SLC24A2: variants seen among roughly 807,000 people sequenced by gnomAD.
SLC24A2 encodes sodium/potassium/calcium exchanger 2.
SLC24A2 carries 36 observed loss-of-function variants against 62.0 expected under a neutral mutation model. That is an observed-to-expected ratio of 0.58 (90% CI 0.44 to 0.77). SLC24A2 has a LOEUF of 0.77. Among genes scored for constraint, SLC24A2 ranks in the 30% least tolerant of loss-of-function variants. The pLI is 0.00. For synonymous variants in SLC24A2, 358 were observed against 294.0 expected, an observed-to-expected ratio of 1.22 and a Z score of -2.23; for missense variants, 846 against 817.9, an observed-to-expected ratio of 1.03 and a Z score of -0.42.
At chr9:19,900,914 A>G in the SLC24A2 span, among the ~76,000 whole-genome samples, 2 of 152,242 alleles carry the variant, frequency 1.3e-5, no homozygotes, top group African/African-American at 4.8e-5. Flanking sequence ...TCATGCCCAT[A>G]TATCACAGGT....
At chr9:20,297,394 A>C in the SLC24A2 span, among the ~76,000 whole-genome samples, 1 of 152,320 alleles carries the variant, frequency 6.6e-6, no homozygotes, top group South Asian at 2.1e-4. Context: ...GAGGTGGCCA[A>C]CAGGAAACGA....
chr9:19,670,203 T>G (rs1819375574), intron 2 of SLC24A2, among the ~76,000 whole-genome samples: 1 of 152,158 alleles, frequency 6.6e-6, no homozygotes, highest in Admixed American at 6.6e-5. Context: ...CAATTGTAGC[T>G]GTAGGTGGTA....
At chr9:19,563,120 TAAAC>T (rs982460646) in intron 7 of SLC24A2, among the ~76,000 whole-genome samples, 1 of 151,958 alleles carries the variant, frequency 6.6e-6, no homozygotes, top group African/African-American at 2.4e-5. Context: ...AAAATAAAAA[TAAAC>T]AGTCTGATGA....
At chr9:20,012,531 T>C in the SLC24A2 span, among the ~76,000 whole-genome samples, 1 of 151,292 alleles carries the variant, frequency 6.6e-6, no homozygotes, top group Non-Finnish European at 1.5e-5. Context: ...CAGAAAGTCC[T>C]AGCCAGAGGA....
the SLC24A2 span, among the ~76,000 whole-genome samples, chr9:20,111,384 G>A: frequency 1.3e-5 from 2 of 152,194 alleles, no homozygotes; most frequent in African/African-American, 2.4e-5. Context: ...TTGAGATCTA[G>A]GGTTAGTGCC....
chr9:20,145,634 T>C, the SLC24A2 span, among the ~76,000 whole-genome samples: 150,750 of 150,752 alleles, frequency 1, 75,374 homozygotes, highest in Middle Eastern at 1. Context: ...CGTGTGCAAT[T>C]ACACATATAT....
chr9:19,530,098 T>G (rs1253804319), intron 8 of SLC24A2, among the ~76,000 whole-genome samples: 1 of 112,592 alleles, frequency 8.9e-6, no homozygotes, highest in Non-Finnish European at 1.8e-5. Flanking sequence ...TTTTTTTTTT[T>G]AAGCTAGGAA....
At chr9:20,187,033 A>C in the SLC24A2 span, among the ~76,000 whole-genome samples, 46 of 152,236 alleles carry the variant, frequency 3.0e-4, no homozygotes, top group African/African-American at 9.6e-4. Context: ...AGACTAGAAA[A>C]GGCATTTTGA....
chr9:19,770,324 G>A (rs752799544), intron 2 of SLC24A2, among the ~76,000 whole-genome samples: 1 of 151,824 alleles, frequency 6.6e-6, no homozygotes, highest in Non-Finnish European at 1.5e-5. Context: ...GGAAGTTTAT[G>A]GGATTAAAAT....
At chr9:19,709,129 A>G (rs1200477533) in intron 2 of SLC24A2, among the ~76,000 whole-genome samples, 1 of 152,240 alleles carries the variant, frequency 6.6e-6, no homozygotes, top group Non-Finnish European at 1.5e-5. Context: ...GAAGACATTT[A>G]TGCAGCCAAA....
At chr9:20,197,617 A>T in the SLC24A2 span, among the ~76,000 whole-genome samples, 1 of 151,710 alleles carries the variant, frequency 6.6e-6, no homozygotes, top group Non-Finnish European at 1.5e-5. Context: ...TTTTTTAGAG[A>T]GACAGGGTTT....
At chr9:19,757,724 A>G (rs1409101969) in intron 2 of SLC24A2, among the ~76,000 whole-genome samples, 3 of 152,178 alleles carry the variant, frequency 2.0e-5, no homozygotes, top group East Asian at 3.8e-4. Context: ...TCACGTTGAA[A>G]TTTGATCTTC....
At chr9:20,280,807 T>C in the SLC24A2 span, among the ~76,000 whole-genome samples, 1 of 152,098 alleles carries the variant, frequency 6.6e-6, no homozygotes, top group Non-Finnish European at 1.5e-5. Flanking sequence ...GCAAATGTCC[T>C]TATAAGAAAC....
the SLC24A2 span, among the ~76,000 whole-genome samples, chr9:20,012,463 G>A: frequency 1.3e-5 from 2 of 152,158 alleles, no homozygotes; most frequent in Non-Finnish European, 2.9e-5. Context: ...AATGAAATGT[G>A]GGTGGGGACA....
At chr9:20,001,809 A>C in the SLC24A2 span, among the ~76,000 whole-genome samples, 2 of 152,340 alleles carry the variant, frequency 1.3e-5, no homozygotes, top group East Asian at 1.9e-4. Context: ...TTCACAAAGC[A>C]ACACCTACTT....
the SLC24A2 span, among the ~76,000 whole-genome samples, chr9:20,058,718 A>G: frequency 1.3e-5 from 2 of 152,236 alleles, no homozygotes; most frequent in Admixed American, 6.5e-5. Context: ...GTGAACTACG[A>G]TTGAGTCACT....
At chr9:19,740,154 T>C (rs1035811229) in intron 2 of SLC24A2, among the ~76,000 whole-genome samples, 1 of 52,424 alleles carries the variant, frequency 1.9e-5, no homozygotes, top group Non-Finnish European at 3.6e-5. Context: ...ACAACCACTT[T>C]GAAAAATTCT....
the SLC24A2 span, among the ~76,000 whole-genome samples, chr9:19,930,414 CCATA>C: frequency 6.6e-6 from 1 of 152,172 alleles, no homozygotes; most frequent in Admixed American, 6.5e-5. Context: ...ATAGGCTATA[CCATA>C]CAGCCTAGGT....
At chr9:19,991,214 T>C in the SLC24A2 span, among the ~76,000 whole-genome samples, 3 of 152,030 alleles carry the variant, frequency 2.0e-5, no homozygotes, top group Non-Finnish European at 2.9e-5. Flanking sequence ...CAGCCTTCAG[T>C]CTGTGGCTGA....
Sources: gnomAD v4.1 joint callset for allele counts (sites outside exome capture counted in the v4.1 genomes callset) on GRCh38, gnomAD v4.1.1 for gene constraint, MANE v1.5 for transcripts, NCBI Gene and HGNC (gene_info 2026-07-23, HGNC 2026-07-21) for gene names.